RPTOR: variants seen among roughly 807,000 people sequenced by gnomAD.
RPTOR encodes regulatory-associated protein of mTOR.
A neutral mutation model predicts 169.9 loss-of-function variants in RPTOR; 21 were observed. The ratio of observed to expected loss-of-function variants is 0.12; its 90% CI spans 0.09 to 0.18. The LOEUF is 0.18. Ranked by LOEUF, RPTOR falls within the 10% of genes least tolerant of loss-of-function variation. The probability of loss-of-function intolerance (pLI) is 1.00; values close to 1 mark genes in which losing one functional copy is unlikely to be tolerated. For synonymous variants in RPTOR, 732 were observed against 753.2 expected, an observed-to-expected ratio of 0.97 and a Z score of 0.46; for missense variants, 1,133 against 1,855.9, an observed-to-expected ratio of 0.61 and a Z score of 7.16.
chr17:80,786,151 G>A (rs559189379), intron 6 of RPTOR, among the ~76,000 whole-genome samples: 2 of 152,296 alleles, frequency 1.3e-5, no homozygotes, highest in Non-Finnish European at 2.9e-5. Flanking sequence ...TTAGACTGAC[G>A]CACTTTTGCG....
At chr17:80,570,241 G>A (rs1837245402) in intron 1 of RPTOR, among the ~76,000 whole-genome samples, 1 of 152,100 alleles carries the variant, frequency 6.6e-6, no homozygotes, top group Non-Finnish European at 1.5e-5. Context: ...GTTGTTCAAT[G>A]CCTGAAGAAG....
At chr17:80,942,849 C>T (rs542769013) in intron 25 of RPTOR, among the ~76,000 whole-genome samples, 1 of 152,354 alleles carries the variant, frequency 6.6e-6, no homozygotes, top group East Asian at 1.9e-4. Flanking sequence ...TCAAACGTAC[C>T]AAATGCGTGG....
chr17:80,858,353 G>T (rs2067879082), intron 13 of RPTOR, among the ~76,000 whole-genome samples: 1 of 152,242 alleles, frequency 6.6e-6, no homozygotes, highest in South Asian at 2.1e-4. Flanking sequence ...CCCTGCACAG[G>T]TGGTCTGGGC....
chr17:80,641,781 G>C (rs183236143), intron 2 of RPTOR, among the ~76,000 whole-genome samples: 10 of 152,334 alleles, frequency 6.6e-5, no homozygotes, highest in Admixed American at 5.2e-4. Context: ...GGAGGGTCCT[G>C]CCTCATGTGG....
At chr17:80,733,571 C>G (rs1000876618) in intron 5 of RPTOR, among the ~76,000 whole-genome samples, 1 of 152,098 alleles carries the variant, frequency 6.6e-6, no homozygotes, top group Non-Finnish European at 1.5e-5. Flanking sequence ...CTTGATTTGT[C>G]GTTTTTAGAT....
intron 26 of RPTOR, 67 bp downstream of exon 26, chr17:80,945,848 C>T: frequency 1.1e-6 from 1 of 885,164 alleles, no homozygotes. Flanking sequence ...CCTGTTCTCC[C>T]CCGATCACCA....
intron 1 of RPTOR, among the ~76,000 whole-genome samples, chr17:80,613,425 A>C (rs4890055): frequency 0.16 from 25,040 of 152,250 alleles, 3,059 homozygotes; most frequent in African/African-American, 0.34. Context: ...CTGATGCCAC[A>C]AGCATTTAAT....
chr17:80,908,760 C>T (rs1158917430), intron 20 of RPTOR, 51 bp from the exon 21 acceptor site: 2 of 1,342,358 alleles, frequency 1.5e-6, no homozygotes, highest in Non-Finnish European at 2.1e-6. Context: ...GCCTTAGGAG[C>T]CTCATTGGCA....
chr17:80,667,548 T>C (rs1488090831), intron 3 of RPTOR, among the ~76,000 whole-genome samples: 2 of 152,244 alleles, frequency 1.3e-5, no homozygotes, highest in Non-Finnish European at 2.9e-5. Flanking sequence ...CCAGAGTTAA[T>C]AAAGTTGCAT....
Position 80,878,106 on chromosome 17 carries a change from C to T in RPTOR, c.1510-2309C>T, listed in dbSNP as rs2068142681. 6.6e-6 allele frequency among the ~76,000 whole-genome samples: 1 copy of T among 152,152 alleles called. No homozygotes were observed. Among genetic ancestry groups the T allele is most frequent in the African/African-American group, 2.4e-5 (1 of 41,426 alleles). Reference sequence around the variant, plus strand: ...CTCAGGCATCCAGTTCTTAAAATTCCGGCCCTCTGTCCTTGCATGGCCTTC... The same window carrying T: ...CTCAGGCATCCAGTTCTTAAAATTCTGGCCCTCTGTCCTTGCATGGCCTTC... On this transcript the variant is annotated intron_variant, in intron 13 of 33. Transcript: ENST00000306801. The surrounding 1 kb of genome is among the most constrained non-coding windows in gnomAD (Gnocchi z 4.1).
intron 2 of RPTOR, among the ~76,000 whole-genome samples, chr17:80,640,638 T>C (rs1412895749): frequency 6.6e-6 from 1 of 152,224 alleles, no homozygotes; most frequent in Non-Finnish European, 1.5e-5. Flanking sequence ...CCTGCCAGGC[T>C]GTCTCTACTA....
chr17:80,634,293 C>CTG (rs199954216), intron 2 of RPTOR, among the ~76,000 whole-genome samples: 3 of 102,084 alleles, frequency 2.9e-5, no homozygotes, highest in East Asian at 2.5e-4. Context: ...TGTGTGCGTA[C>CTG]TGTGTGTGTG....
At chr17:80,917,348 C>A (rs9897437) in intron 21 of RPTOR, among the ~76,000 whole-genome samples, 135,096 of 152,076 alleles carry the variant, frequency 0.89, 60,201 homozygotes, top group African/African-American at 0.95. Context: ...TCCCGACCTC[C>A]AGTGATCCAC....
At chr17:80,743,902 C>T (rs1402308185) in intron 5 of RPTOR, among the ~76,000 whole-genome samples, 2 of 89,608 alleles carry the variant, frequency 2.2e-5, no homozygotes, top group Admixed American at 1.9e-4. Context: ...GTCCTGGTTA[C>T]GAGCACAGCC....
chr17:80,896,487 C>T (rs2068405079), intron 20 of RPTOR, among the ~76,000 whole-genome samples: 1 of 133,090 alleles, frequency 7.5e-6, no homozygotes, highest in Admixed American at 7.7e-5. Context: ...CCCACGGCCG[C>T]ACCGACACAC....
intron 33 of RPTOR, 120 bp downstream of exon 33, chr17:80,963,177 C>A (rs1045037078): frequency 3.0e-6 from 3 of 1,002,976 alleles, no homozygotes; most frequent in Non-Finnish European, 2.9e-6. Context: ...GGCCCATTGG[C>A]TGCCTGAGGG....
intron 28 of RPTOR, among the ~76,000 whole-genome samples, chr17:80,950,366 G>T (rs182115988): frequency 1.3e-5 from 2 of 152,312 alleles, no homozygotes; most frequent in African/African-American, 4.8e-5. Context: ...TGTGGGGCCT[G>T]CCCTGGTTCT....
chr17:80,777,949 G>T (rs1298651498), intron 6 of RPTOR, among the ~76,000 whole-genome samples: 1 of 152,208 alleles, frequency 6.6e-6, no homozygotes, highest in African/African-American at 2.4e-5. Context: ...TCTTTCCCTA[G>T]CAGGTTTCTG....
chr17:80,750,835 C>A (rs1420936403), intron 5 of RPTOR, among the ~76,000 whole-genome samples: 15 of 152,064 alleles, frequency 9.9e-5, no homozygotes, highest in Admixed American at 9.8e-4. Flanking sequence ...TGTTGCGTGG[C>A]ATGTAAATAT....
Sources: gnomAD v4.1 joint callset for allele counts (sites outside exome capture counted in the v4.1 genomes callset) on GRCh38, gnomAD v4.1.1 for gene constraint, Gnocchi (gnomAD v3.1) non-coding constraint, MANE v1.5 for transcripts, NCBI Gene and HGNC (gene_info 2026-07-23, HGNC 2026-07-21) for gene names.